The following ABI3BP variants were observed in gnomAD, a reference collection of about 807,000 sequenced individuals.
ABI3BP encodes the protein ABI family member 3 binding protein, also known as target of Nesh-SH3.
ABI3BP carries 216 observed loss-of-function variants against 268.6 expected under a neutral mutation model. The ratio of observed to expected loss-of-function variants is 0.80; its 90% CI spans 0.72 to 0.90. The LOEUF (loss-of-function observed/expected upper bound fraction) is 0.90. Among genes scored for constraint, ABI3BP ranks in the 40% least tolerant of loss-of-function variants. ABI3BP has a pLI of 0.00. For synonymous variants in ABI3BP, 730 were observed against 730.0 expected (o/e 1.00, Z 0.00); for missense variants, 2,090 against 2,182.4 (o/e 0.96, Z 0.84).
chr3:100,843,214 T>C (rs1560708277), intron 20 of ABI3BP, among the ~76,000 whole-genome samples: 1 of 152,174 alleles, frequency 6.6e-6, no homozygotes, highest in African/African-American at 2.4e-5. Flanking sequence ...ATATCTGTGA[T>C]CAAAAAATTT....
chr3:100,813,578 A>G, intron 45 of ABI3BP, 83 bp downstream of exon 45: 1 of 1,105,856 alleles, frequency 9.0e-7, no homozygotes, highest in East Asian at 2.6e-5. Flanking sequence ...TTCATTTTTT[A>G]TCTTTGGAAA....
rs770310657 is a variant in ABI3BP at position 100,822,654 on chromosome 3, C to T, written c.2822G>A (p.Arg941Gln). ...TGTTCTGAGACGTGGACGACGTGTC[C>T]GTTGTGATGTTTTGGAAGCTGAAGG... Reference protein sequence around the residue: ...STTLASKTSQRTRRPRLRTKT... With the variant: ...STTLASKTSQQTRRPRLRTKT... The change falls in exon 38 of 68, where the codon CGG (arginine) becomes CAG (glutamine). Residue 941 changes from arginine (R) to glutamine (Q), a missense_variant. Coordinates refer to ENST00000471714, the MANE Select transcript of ABI3BP (RefSeq NM_001375547.2). The T allele has an allele frequency of 1.2e-5, 18 of 1,536,282 alleles. No individual in the cohort carries two copies. In the South Asian group the frequency reaches 1.2e-4, roughly 10 times the overall value.
chr3:100,904,342 T>C (rs2052122199), intron 2 of ABI3BP, among the ~76,000 whole-genome samples: 1 of 152,148 alleles, frequency 6.6e-6, no homozygotes. Context: ...TTTGAACTTG[T>C]GTTTTGCAAG....
At chr3:100,868,507 G>A (rs1419695436) in intron 9 of ABI3BP, among the ~76,000 whole-genome samples, 2 of 152,120 alleles carry the variant, frequency 1.3e-5, no homozygotes, top group African/African-American at 4.8e-5. Context: ...CTTCTTTTCT[G>A]TTAATGTGGG....
intron 1 of ABI3BP, among the ~76,000 whole-genome samples, chr3:100,991,432 G>A (rs1466872897): frequency 6.6e-6 from 1 of 152,164 alleles, no homozygotes; most frequent in African/African-American, 2.4e-5. Context: ...AAGTTGTACA[G>A]GTTTCTTTAT....
intron 14 of ABI3BP, among the ~76,000 whole-genome samples, chr3:100,856,922 A>C (rs1269136579): frequency 6.6e-6 from 1 of 152,190 alleles, no homozygotes; most frequent in African/African-American, 2.4e-5. Context: ...CATTGATCCA[A>C]GAAGGACCTC....
intron 9 of ABI3BP, among the ~76,000 whole-genome samples, chr3:100,867,967 C>G (rs1280026904): frequency 6.6e-6 from 1 of 152,238 alleles, no homozygotes; most frequent in South Asian, 2.1e-4. Context: ...TGTTCCCCAG[C>G]GATTATGGTA....
chr3:100,755,012 A>C (rs1182409043), intron 63 of ABI3BP, among the ~76,000 whole-genome samples: 1 of 152,220 alleles, frequency 6.6e-6, no homozygotes, highest in Non-Finnish European at 1.5e-5. Context: ...GGCTAATTCC[A>C]GTAACAAGGA....
intron 3 of ABI3BP, among the ~76,000 whole-genome samples, chr3:100,902,413 T>G (rs924264844): frequency 6.6e-6 from 1 of 152,142 alleles, no homozygotes; most frequent in Non-Finnish European, 1.5e-5. Context: ...AGTTTGCAAG[T>G]GGTGGCACCA....
rs759808672 is a variant in ABI3BP at position 100,832,297 on chromosome 3, T to C, written c.2368A>G (p.Thr790Ala). 4.9e-5 allele frequency: 75 copies of C among 1,535,428 alleles called. No homozygotes were observed. The highest frequency in any genetic ancestry group is 6.2e-5 in the Non-Finnish European group (71 of 1,146,550). ...TRRPHPKPKTTPHPEVPQTKL... is the reference protein window; with the variant it reads ...TRRPHPKPKTAPHPEVPQTKL... ...GTTTGAGGTACTTCTGGATGGGGCG[T>C]GGTTTTAGGTTTGGGATGTGGACGA... Residue 790 changes from threonine to alanine, a missense_variant, in exon 31 of 68, where the codon ACG becomes GCG. Transcript: ENST00000471714.
At chr3:100,862,605 C>T (rs1328135376) in intron 13 of ABI3BP, 1 of 578,512 alleles carries the variant, frequency 1.7e-6, no homozygotes, top group Non-Finnish European at 3.0e-6. Context: ...GTCAGACTGT[C>T]AGCATTTTTA....
intron 1 of ABI3BP, among the ~76,000 whole-genome samples, chr3:100,928,503 C>T (rs1291430679): frequency 6.6e-6 from 1 of 152,036 alleles, no homozygotes; most frequent in Non-Finnish European, 1.5e-5. Context: ...AAAAATAACC[C>T]TTTCTTGGAT....
chr3:100,937,007 G>A (rs1443928393), intron 1 of ABI3BP, among the ~76,000 whole-genome samples: 1 of 151,816 alleles, frequency 6.6e-6, no homozygotes, highest in Non-Finnish European at 1.5e-5. Context: ...ACTATTCCTT[G>A]TCTTCTGCTA....
chr3:100,808,125 A>G lies in ABI3BP; in HGVS notation c.3682+36T>C, dbSNP rs767521941. The G allele has an allele frequency of 3.2e-6, 5 of 1,584,748 alleles. No individual in the cohort carries two copies. The African/African-American group carries it at 6.7e-5, about 21-fold the overall frequency. ...TTGCTAGAATAACCCCACTAACCTCAAACTTTTCAAGCTAAAATGTAAAAT... is the reference window on the plus strand; with the variant it reads ...TTGCTAGAATAACCCCACTAACCTCGAACTTTTCAAGCTAAAATGTAAAAT... On this transcript the variant is annotated intron_variant, in intron 50 of 67. Coordinates refer to ENST00000471714, the MANE Select transcript of ABI3BP (RefSeq NM_001375547.2).
intron 1 of ABI3BP, among the ~76,000 whole-genome samples, chr3:100,942,646 T>A (rs1302719645): frequency 6.6e-6 from 1 of 152,076 alleles, no homozygotes; most frequent in Non-Finnish European, 1.5e-5. Context: ...TATTAAGTGC[T>A]CTTGATGGAA....
intron 61 of ABI3BP, among the ~76,000 whole-genome samples, chr3:100,773,474 T>C (rs2096610789): frequency 6.6e-6 from 1 of 152,154 alleles, no homozygotes; most frequent in African/African-American, 2.4e-5. Context: ...TGGTGAGGAT[T>C]TGGAGGAACT....
chr3:100,947,479 AT>A (rs926102625), intron 1 of ABI3BP, among the ~76,000 whole-genome samples: 4 of 151,814 alleles, frequency 2.6e-5, no homozygotes, highest in Non-Finnish European at 5.9e-5. Context: ...TATCAGGCAA[AT>A]TTTTTTTTCT....
At position 100,860,021 on chromosome 3, in the gene ABI3BP, G is replaced by A. The variant is rs149098352; in HGVS notation, c.1285+2290C>T. The stretch of plus-strand genomic sequence containing the variant: ...CAGGAGGCAAAGGTTGCAGTGAGCC[G>A]AGATCGCACCCATCGCACTCCAGCC... On this transcript the variant is annotated intron_variant, in intron 14 of 67. Coordinates refer to ENST00000471714, the MANE Select transcript of ABI3BP (RefSeq NM_001375547.2). Among the ~76,000 whole-genome samples, 1,156 of 152,230 alleles carry A rather than the reference G, an allele frequency of 7.6e-3. 19 individuals are homozygous for A. The highest frequency in any genetic ancestry group is 0.027 in the African/African-American group (1,109 of 41,542).
intron 9 of ABI3BP, among the ~76,000 whole-genome samples, chr3:100,874,463 A>G (rs1057458719): frequency 3.3e-5 from 5 of 152,184 alleles, no homozygotes; most frequent in African/African-American, 1.2e-4. Flanking sequence ...AATCTCAAGT[A>G]AATAATAATT....
Sources: allele counts gnomAD v4.1 joint callset (sites outside exome capture counted in the v4.1 genomes callset), GRCh38; gene constraint gnomAD v4.1.1; transcripts MANE v1.5; gene names NCBI Gene and HGNC (gene_info 2026-07-23, HGNC 2026-07-21).